Variants in PALM2AKAP2 observed in about 807,000 individuals in gnomAD.
PALM2AKAP2 encodes the protein PALM2 and AKAP2 fusion.
Under a neutral mutation model 71.5 loss-of-function variants are expected in PALM2AKAP2, and 37 were observed. The ratio of observed to expected loss-of-function variants is 0.52; its 90% CI spans 0.40 to 0.68. PALM2AKAP2 has a LOEUF of 0.68. Among genes scored for constraint, PALM2AKAP2 ranks in the 30% least tolerant of loss-of-function variants. PALM2AKAP2 has a pLI of 0.00. For missense variants in PALM2AKAP2, 1,224 were observed against 1,191.8 expected, an observed-to-expected ratio of 1.03 and a Z score of -0.40; for synonymous variants, 468 against 478.8, an observed-to-expected ratio of 0.98 and a Z score of 0.29.
chr9:110,104,440 G>T (rs772135956), intron 1 of PALM2AKAP2, among the ~76,000 whole-genome samples: 1 of 152,144 alleles, frequency 6.6e-6, no homozygotes, highest in Non-Finnish European at 1.5e-5. Context: ...CAGTTAATTC[G>T]CTTGTGTTCC....
intron 2 of PALM2AKAP2, among the ~76,000 whole-genome samples, chr9:110,144,819 T>C (rs1433139805): frequency 6.6e-6 from 1 of 152,198 alleles, no homozygotes; most frequent in Non-Finnish European, 1.5e-5. Flanking sequence ...TTGGGAATTA[T>C]ATATGAAGAG....
intron 1 of PALM2AKAP2, among the ~76,000 whole-genome samples, chr9:109,801,457 G>A (rs1364091653): frequency 6.6e-6 from 1 of 152,218 alleles, no homozygotes; most frequent in Non-Finnish European, 1.5e-5. Flanking sequence ...TGTATGGAAG[G>A]TAGTGCAGGT....
chr9:109,781,001 A>G (rs1033526302), intron 1 of PALM2AKAP2, among the ~76,000 whole-genome samples: 1 of 152,204 alleles, frequency 6.6e-6, no homozygotes, highest in Non-Finnish European at 1.5e-5. Context: ...CTCCTCCCAG[A>G]AACCGGGAAT....
chr9:110,043,136 T>C (rs1833536466), intron 7 of PALM2AKAP2, among the ~76,000 whole-genome samples: 1 of 152,160 alleles, frequency 6.6e-6, no homozygotes, highest in Non-Finnish European at 1.5e-5. Context: ...GTTACATCCA[T>C]TTTGCCTCCT....
chr9:109,863,896 A>G (rs1829377267), intron 1 of PALM2AKAP2, among the ~76,000 whole-genome samples: 1 of 152,164 alleles, frequency 6.6e-6, no homozygotes, highest in South Asian at 2.1e-4. Context: ...CCTGGCCAAC[A>G]TGGCAAAACC....
chr9:109,963,276 C>A (rs1213664847), intron 6 of PALM2AKAP2, among the ~76,000 whole-genome samples: 1 of 152,112 alleles, frequency 6.6e-6, no homozygotes, highest in Non-Finnish European at 1.5e-5. Flanking sequence ...TGGCTGTATG[C>A]CAGGATGTAG....
chr9:109,701,651 A>G (rs933428195), intron 1 of PALM2AKAP2, among the ~76,000 whole-genome samples: 3 of 152,190 alleles, frequency 2.0e-5, no homozygotes, highest in Admixed American at 2.0e-4. Context: ...CTAGAAGAAA[A>G]CCTAGGCAAT....
intron 1 of PALM2AKAP2, among the ~76,000 whole-genome samples, chr9:110,100,801 T>C (rs1049223982): frequency 5.3e-5 from 8 of 152,240 alleles, no homozygotes; most frequent in African/African-American, 1.9e-4. Context: ...GACAAAGACA[T>C]GTGACATTGG....
intron 1 of PALM2AKAP2, among the ~76,000 whole-genome samples, chr9:109,851,890 A>T (rs1043735995): frequency 6.6e-6 from 1 of 152,144 alleles, no homozygotes; most frequent in East Asian, 1.9e-4. Context: ...TTAGTGGGTA[A>T]AAAGCTGTGT....
intron 7 of PALM2AKAP2, chr9:110,025,023 T>C (rs1833150595): frequency 2.3e-6 from 3 of 1,280,434 alleles, no homozygotes; most frequent in African/African-American, 1.5e-5. Flanking sequence ...TTTCTTTTTC[T>C]GATCATTTTC....
chr9:109,700,340 A>C (rs1168179274), intron 1 of PALM2AKAP2, among the ~76,000 whole-genome samples: 1 of 151,988 alleles, frequency 6.6e-6, no homozygotes, highest in Non-Finnish European at 1.5e-5. Flanking sequence ...TCCCCTCCAC[A>C]TACTCTCTTG....
chr9:109,858,250 A>G (rs1829220617), intron 1 of PALM2AKAP2, among the ~76,000 whole-genome samples: 1 of 152,228 alleles, frequency 6.6e-6, no homozygotes, highest in East Asian at 1.9e-4. Context: ...TAATGATAGT[A>G]CCTAACTCAT....
intron 1 of PALM2AKAP2, among the ~76,000 whole-genome samples, chr9:109,648,672 G>A (rs1409104773): frequency 6.6e-6 from 1 of 152,208 alleles, no homozygotes; most frequent in Non-Finnish European, 1.5e-5. Flanking sequence ...AGAAGGAAGA[G>A]CAGTTGCAAA....
At chr9:110,133,299 A>C (rs564751015) in intron 1 of PALM2AKAP2, among the ~76,000 whole-genome samples, 2 of 152,318 alleles carry the variant, frequency 1.3e-5, no homozygotes, top group South Asian at 4.2e-4. Context: ...TGTGATTAGC[A>C]ACAAGAGACA....
intron 6 of PALM2AKAP2, among the ~76,000 whole-genome samples, chr9:109,967,072 G>A (rs187733290): frequency 7.1e-4 from 108 of 152,184 alleles, no homozygotes; most frequent in African/African-American, 2.6e-3. Flanking sequence ...GTAGTTCTTG[G>A]GATCTGTCAC....
intron 1 of PALM2AKAP2, among the ~76,000 whole-genome samples, chr9:109,647,536 T>C (rs1298456720): frequency 6.6e-6 from 1 of 152,228 alleles, no homozygotes; most frequent in Admixed American, 6.5e-5. Flanking sequence ...TCCGGAAGTA[T>C]TGTATCCCTT....
rs779397939 is a variant in PALM2AKAP2, at chr9:109,701,848, GAC to G, written c.5+60984_5+60985del. On this transcript the variant is annotated intron_variant, in intron 1 of 6. Coordinates refer to the PALM2AKAP2 transcript ENST00000374531. ...GAAAATTTTTGCAATCTACTCATCT[GAC>G]AAAGGGCTAATATCCAGAATCTACA... 2.3e-3 allele frequency among the ~76,000 whole-genome samples: 352 copies of G among 152,252 alleles called. 1 individual carries two copies. Among genetic ancestry groups the G allele is most frequent in the Non-Finnish European group, 4.2e-3 (287 of 68,026 alleles).
intron 6 of PALM2AKAP2, among the ~76,000 whole-genome samples, chr9:110,013,877 T>C (rs910770918): frequency 3.9e-5 from 6 of 152,196 alleles, no homozygotes; most frequent in African/African-American, 1.4e-4. Context: ...AATGCTGGAG[T>C]ATGGCAATCT....
intron 6 of PALM2AKAP2, among the ~76,000 whole-genome samples, chr9:109,980,526 C>T (rs1473009326): frequency 1.3e-5 from 2 of 152,170 alleles, no homozygotes; most frequent in Admixed American, 6.5e-5. Context: ...TGGGATTCAG[C>T]CTCAAGTTGT....
Sources: gnomAD v4.1 joint callset for allele counts (sites outside exome capture counted in the v4.1 genomes callset) on GRCh38, gnomAD v4.1.1 for gene constraint, MANE v1.5 for transcripts, NCBI Gene and HGNC (gene_info 2026-07-23, HGNC 2026-07-21) for gene names.